Variants in EHBP1 observed in about 807,000 individuals in gnomAD.
EHBP1 encodes the protein EH domain-binding protein 1.
Under a neutral mutation model 144.0 loss-of-function variants are expected in EHBP1, and 55 were observed. That is an observed-to-expected ratio of 0.38 (90% CI 0.31 to 0.48). The LOEUF is 0.48. Ranked by LOEUF, EHBP1 falls within the 20% of genes least tolerant of loss-of-function variation. The probability of loss-of-function intolerance (pLI) is 0.98; values close to 1 mark genes in which losing one functional copy is unlikely to be tolerated. For synonymous variants in EHBP1, 469 were observed against 472.7 expected (o/e 0.99, Z 0.10); for missense variants, 1,200 against 1,364.2 (o/e 0.88, Z 1.90).
intron 9 of EHBP1, among the ~76,000 whole-genome samples, chr2:62,869,790 T>C (rs2050320153): frequency 6.6e-6 from 1 of 152,248 alleles, no homozygotes. Context: ...TTGTTTATCA[T>C]TTATACCTAA....
In EHBP1 at chr2:62,916,820, A is replaced by T. The variant is rs576525338; in HGVS notation, c.1186-25898A>T. 3.3e-5 allele frequency among the ~76,000 whole-genome samples: 5 copies of T among 149,922 alleles called. No individual in the cohort carries two copies. The East Asian group carries it at 9.7e-4, about 29-fold the overall frequency. ...ATATAAACATAAAATTTACATACAC[A>T]AATTTTATTAAAATATAAATATATT... On this transcript the variant is annotated intron_variant, in intron 10 of 22. Transcript: ENST00000431489.
At chr2:62,687,954 CT>C (rs1297973662) in intron 1 of EHBP1, among the ~76,000 whole-genome samples, 3 of 152,158 alleles carry the variant, frequency 2.0e-5, no homozygotes, top group African/African-American at 7.2e-5. Context: ...AGTACATTAA[CT>C]ATCAGATGTG....
intron 14 of EHBP1, among the ~76,000 whole-genome samples, chr2:62,957,641 C>CTTTTTGTTTTTTTTTTTTTTTTTTTT (rs2057769884): frequency 2.3e-5 from 2 of 87,174 alleles, no homozygotes; most frequent in African/African-American, 1.0e-4. Flanking sequence ...AAAATAAATG[C>CTTTTTGTTTTTTTTTTTTTTTTTTTT]TTTTTTTTTT....
intron 2 of EHBP1, among the ~76,000 whole-genome samples, chr2:62,741,238 A>G (rs901871132): frequency 7.2e-5 from 11 of 152,154 alleles, no homozygotes; most frequent in African/African-American, 2.4e-4. Context: ...GGTGAGAAGT[A>G]TGATGTGACC....
At chr2:62,844,030 A>G (rs1381031222) in intron 7 of EHBP1, among the ~76,000 whole-genome samples, 1 of 152,224 alleles carries the variant, frequency 6.6e-6, no homozygotes, top group Non-Finnish European at 1.5e-5. Flanking sequence ...ATTGCATTAT[A>G]TCACTAAAAA....
intron 10 of EHBP1, among the ~76,000 whole-genome samples, chr2:62,882,621 G>A (rs906856012): frequency 1.3e-5 from 2 of 152,126 alleles, no homozygotes; most frequent in Admixed American, 6.5e-5. Flanking sequence ...GGTGGCTCAC[G>A]CCTGTAATCC....
At chr2:63,035,835 A>G (rs552441786) in intron 19 of EHBP1, among the ~76,000 whole-genome samples, 1 of 152,102 alleles carries the variant, frequency 6.6e-6, no homozygotes, top group African/African-American at 2.4e-5. Context: ...GTTGCTACCC[A>G]GGGATTTGTG....
intron 2 of EHBP1, among the ~76,000 whole-genome samples, chr2:62,728,247 A>G (rs909851089): frequency 6.6e-6 from 1 of 152,170 alleles, no homozygotes; most frequent in African/African-American, 2.4e-5. Flanking sequence ...TCCCATTCCT[A>G]TTCTATCTCA....
intron 10 of EHBP1, among the ~76,000 whole-genome samples, chr2:62,908,328 GT>G (rs1222626771): frequency 1.3e-5 from 2 of 152,014 alleles, no homozygotes; most frequent in Admixed American, 1.3e-4. Context: ...AGTAATTTGT[GT>G]TTTCACTTTC....
chr2:62,894,060 ACAG>A (rs1441882069), intron 10 of EHBP1, among the ~76,000 whole-genome samples: 1 of 151,386 alleles, frequency 6.6e-6, no homozygotes, highest in Non-Finnish European at 1.5e-5. Context: ...AAAAAAAAAA[ACAG>A]CAACAACACA....
At chr2:63,035,744 A>G (rs2061419681) in intron 19 of EHBP1, among the ~76,000 whole-genome samples, 1 of 152,086 alleles carries the variant, frequency 6.6e-6, no homozygotes. Context: ...CTGATCAAAA[A>G]GGCCTTCACC....
rs1476314726 is a variant in EHBP1 at position 62,830,964 on chromosome 2, C to T, written c.495-55C>T. 8.4e-6 allele frequency: 13 copies of T among 1,551,030 alleles called. No individual in the cohort carries two copies. The African/African-American group carries it at 1.1e-4, about 13-fold the overall frequency. On this transcript the variant is annotated intron_variant, in intron 6 of 22. Coordinates refer to ENST00000431489, the MANE Select transcript of EHBP1 (RefSeq NM_001142616.3). ...ATTTATTGTTTTCTTAAGAAACCAT[C>T]ATTTTTCTAACTGTCATTTAGTACA...
At chr2:62,932,285 A>C (rs986059436) in intron 10 of EHBP1, among the ~76,000 whole-genome samples, 5 of 152,140 alleles carry the variant, frequency 3.3e-5, no homozygotes, top group African/African-American at 7.2e-5. Context: ...TGTTCATAGC[A>C]GCAGTATACA....
chr2:62,797,077 C>A (rs1374759327), intron 5 of EHBP1, among the ~76,000 whole-genome samples: 1 of 152,248 alleles, frequency 6.6e-6, no homozygotes, highest in African/African-American at 2.4e-5. Context: ...TAAATTATTT[C>A]TTTTTTGTCC....
intron 19 of EHBP1, among the ~76,000 whole-genome samples, chr2:63,036,086 G>A (rs1345753912): frequency 6.6e-6 from 1 of 151,990 alleles, no homozygotes; most frequent in East Asian, 1.9e-4. Flanking sequence ...ATTTTATAGG[G>A]ATGCTCTGAA....
At chr2:62,979,680 A>G (rs777710273) in intron 15 of EHBP1, among the ~76,000 whole-genome samples, 15 of 152,226 alleles carry the variant, frequency 9.9e-5, no homozygotes, top group Admixed American at 7.9e-4. Flanking sequence ...AATCAGCACA[A>G]TTAGTGATGA....
chr2:62,911,397 T>G (rs1309779914), intron 10 of EHBP1, among the ~76,000 whole-genome samples: 1 of 152,170 alleles, frequency 6.6e-6, no homozygotes, highest in Non-Finnish European at 1.5e-5. Context: ...CTGACCAAAA[T>G]AAGGCATTAG....
intron 5 of EHBP1, among the ~76,000 whole-genome samples, chr2:62,798,529 T>C (rs2043725554): frequency 6.6e-6 from 1 of 152,100 alleles, no homozygotes; most frequent in Non-Finnish European, 1.5e-5. Context: ...TCTGAGAAAG[T>C]CGATGAACTT....
At chr2:62,879,488 C>G (rs2051184146) in intron 10 of EHBP1, among the ~76,000 whole-genome samples, 1 of 149,902 alleles carries the variant, frequency 6.7e-6, no homozygotes, top group Admixed American at 6.7e-5. Context: ...TATACAACTA[C>G]AAGTCTATAT....
Sources: allele counts gnomAD v4.1 joint callset (sites outside exome capture counted in the v4.1 genomes callset), GRCh38; gene constraint gnomAD v4.1.1; transcripts MANE v1.5; gene names NCBI Gene and HGNC (gene_info 2026-07-23, HGNC 2026-07-21).